Variants in BAZ1B observed in about 807,000 individuals in gnomAD.
BAZ1B encodes bromodomain adjacent to zinc finger domain 1B.
Under a neutral mutation model 153.8 loss-of-function variants are expected in BAZ1B, and 22 were observed. The observed-to-expected ratio is 0.14, with a 90% CI of 0.10 to 0.20. BAZ1B has a LOEUF of 0.20. Ranked by LOEUF, BAZ1B falls within the 10% of genes least tolerant of loss-of-function variation. The pLI is 1.00. For missense variants in BAZ1B, 1,325 were observed against 1,799.3 expected (o/e 0.74, Z 4.77); for synonymous variants, 676 against 633.4 (o/e 1.07, Z -1.01).
chr7:73,522,040 G>T lies in BAZ1B; in HGVS notation c.-107C>A. 21 of 587,748 alleles carry T rather than the reference G, an allele frequency of 3.6e-5. No individual in the cohort carries two copies. Among genetic ancestry groups the T allele is most frequent in the Non-Finnish European group, 4.0e-5 (16 of 403,718 alleles). 36.4% of individuals were successfully genotyped at this position (587,748 alleles called of 1,614,324 possible). A position where few individuals can be genotyped will look rare whatever the true frequency, so the allele number is the denominator to read the frequency against. On this transcript the variant is annotated 5_prime_UTR_variant, in exon 1 of 20. Coordinates refer to ENST00000339594, the MANE Select transcript of BAZ1B (RefSeq NM_032408.4). ...CCAGGCGCCCGGGGGTGGGGTGGGGGAAGGGAGGGGTGAGAGGGCGGCGCG... is the reference window on the plus strand; with the variant it reads ...CCAGGCGCCCGGGGGTGGGGTGGGGTAAGGGAGGGGTGAGAGGGCGGCGCG...
intron 16 of BAZ1B, among the ~76,000 whole-genome samples, chr7:73,445,883 G>A (rs1384989190): frequency 6.6e-6 from 1 of 152,114 alleles, no homozygotes; most frequent in Non-Finnish European, 1.5e-5. Context: ...AAAAAAATAT[G>A]TTCCCAAACA....
chr7:73,452,440 T>A (rs550977072), intron 13 of BAZ1B, among the ~76,000 whole-genome samples: 84 of 152,174 alleles, frequency 5.5e-4, no homozygotes, highest in African/African-American at 1.9e-3. Flanking sequence ...TGATACACGT[T>A]CGGCCGGGCG....
intron 11 of BAZ1B, among the ~76,000 whole-genome samples, chr7:73,463,744 G>C (rs548213100): frequency 1.6e-4 from 24 of 151,458 alleles, no homozygotes; most frequent in Admixed American, 1.6e-3. Context: ...ATGTCGCTCT[G>C]TTGCCCAGAC....
rs1787873815 is a variant in BAZ1B, at chr7:73,447,304, C to T, written c.3804G>A (p.Glu1268=). ...CCTCATAATCTTCTTCCTCCTCCTC[C>T]TCTTCTTCCTCCTCCTCCTCTTCAT... ...ESDEEEEEEE[E]EEEEEDYEVA... Residue 1268 remains glutamate (E), a synonymous_variant, in exon 16 of 20, where the codon GAG becomes GAA. Transcript: ENST00000339594. 1.2e-6 allele frequency: 2 copies of T among 1,606,612 alleles called. No homozygotes were observed. The highest frequency in any genetic ancestry group is 1.7e-6 in the Non-Finnish European group (2 of 1,173,230).
At position 73,447,439 on chromosome 7, in the gene BAZ1B, G is replaced by A. The variant is rs1320351148; in HGVS notation, c.3729-60C>T. 7 of 1,544,414 alleles carry A rather than the reference G, an allele frequency of 4.5e-6. No individual in the cohort carries two copies. The Admixed American group carries it at 1.4e-4, about 30-fold the overall frequency. On this transcript the variant is annotated intron_variant, in intron 15 of 19. Transcript: ENST00000339594. The stretch of plus-strand genomic sequence containing the variant: ...TTTAGCCCAAAGTGGTCCTAAGAAG[G>A]GCTCAAATCCCACAGGGATCAGGAA...
chr7:73,478,232 C>G lies in BAZ1B; in HGVS notation c.1229G>C (p.Gly410Ala). Residue 410 changes from glycine to alanine, a missense_variant, in exon 7 of 20, where the codon GGC (glycine) becomes GCC (alanine). Coordinates refer to ENST00000339594, the MANE Select transcript of BAZ1B (RefSeq NM_032408.4). The stretch of plus-strand genomic sequence containing the variant: ...TGTGGATTTCTGTCCATTCAGGATG[C>G]CTTTGCTTCTGCCCTTTGCCTTCAA... ...KPLKAKGRSK[G>A]ILNGQKSTGN... is the part of the protein sequence containing the mutation. 1 of 1,614,142 alleles carries G rather than the reference C, an allele frequency of 6.2e-7. No homozygotes were observed. Among genetic ancestry groups the G allele is most frequent in the Non-Finnish European group, 8.5e-7 (1 of 1,180,030 alleles).
intron 4 of BAZ1B, among the ~76,000 whole-genome samples, chr7:73,495,305 A>G (rs1268702010): frequency 1.3e-5 from 2 of 152,166 alleles, no homozygotes; most frequent in Admixed American, 1.3e-4. Flanking sequence ...ATAAATAAAT[A>G]AATTGCATAT....
chr7:73,494,793 G>C (rs147035546), intron 4 of BAZ1B, among the ~76,000 whole-genome samples: 2 of 152,258 alleles, frequency 1.3e-5, no homozygotes, highest in Non-Finnish European at 2.9e-5. Context: ...AATACAGAAG[G>C]AAAGAGAGTC....
At chr7:73,492,589 A>G (rs1423714999) in intron 5 of BAZ1B, among the ~76,000 whole-genome samples, 2 of 152,208 alleles carry the variant, frequency 1.3e-5, no homozygotes, top group African/African-American at 2.4e-5. Flanking sequence ...ACTAATTCCT[A>G]TAAGAAAGAG....
At chr7:73,480,294 A>G (rs1293091422) in intron 6 of BAZ1B, among the ~76,000 whole-genome samples, 1 of 152,022 alleles carries the variant, frequency 6.6e-6, no homozygotes, top group East Asian at 1.9e-4. Context: ...TACACATCTC[A>G]TCTCCTCATA....
At position 73,481,495 on chromosome 7, in the gene BAZ1B, G is replaced by A. The variant is rs1789198390; in HGVS notation, c.892-2926C>T. On this transcript the variant is annotated intron_variant, in intron 6 of 19. Coordinates refer to ENST00000339594, the MANE Select transcript of BAZ1B (RefSeq NM_032408.4). ...TGGCGCCACTGCACTCCAGCCTGGG[G>A]AACAGAGCGAGACTCCATCTCAAAA... Among the ~76,000 whole-genome samples, 3 of 134,640 alleles carry A rather than the reference G, an allele frequency of 2.2e-5. No individual in the cohort carries two copies. In the Admixed American group the frequency reaches 2.4e-4, roughly 11 times the overall value. 88.3% of individuals were successfully genotyped at this position (134,640 alleles called of 152,430 possible). A position where few individuals can be genotyped will look rare whatever the true frequency, so the allele number is the denominator to read the frequency against.
chr7:73,444,066 C>T lies in BAZ1B; in HGVS notation c.3908G>A (p.Arg1303Gln), dbSNP rs782679391. The T allele has an allele frequency of 3.6e-5, 58 of 1,613,524 alleles. 3 individuals are homozygous for T. In the South Asian group the frequency reaches 4.7e-4, roughly 13 times the overall value. Residue 1303 changes from arginine (R) to glutamine (Q), a missense_variant, in exon 17 of 20, where the codon CGG becomes CAG. Transcript: ENST00000339594. ...SVIPPAARSG[R>Q]RPGKKPHSTR... Reference sequence around the variant, plus strand: ...AGAGTGTGGCTTCTTACCCGGGCGCCGGCCTGACCTTGCTGCAGGGGGGAT... The same window carrying T: ...AGAGTGTGGCTTCTTACCCGGGCGCTGGCCTGACCTTGCTGCAGGGGGGAT...
At chr7:73,520,086 G>A (rs1347070920) in intron 1 of BAZ1B, among the ~76,000 whole-genome samples, 2 of 151,914 alleles carry the variant, frequency 1.3e-5, no homozygotes. Context: ...GCACGCGCCT[G>A]TAATCCTAGC....
chr7:73,442,067 A>C (rs1787638737), intron 19 of BAZ1B, 114 bp downstream of exon 19: 4 of 752,602 alleles, frequency 5.3e-6, no homozygotes, highest in South Asian at 5.3e-5. Context: ...AAACAGCATA[A>C]GCTTGGGATG....
rs782676766 is a variant in BAZ1B, at chr7:73,477,884, T to C, written c.1577A>G (p.Tyr526Cys). 1.7e-5 allele frequency: 28 copies of C among 1,614,084 alleles called. No individual in the cohort carries two copies. The highest frequency in any genetic ancestry group is 4.0e-5 in the African/African-American group (3 of 74,924). Residue 526 changes from tyrosine to cysteine, a missense_variant, in exon 7 of 20, where the codon TAT (tyrosine) becomes TGT (cysteine). By Grantham distance (194) the Tyr-to-Cys change is radical (BLOSUM62 -2). Transcript: ENST00000339594. The surrounding 1 kb of genome is among the most constrained non-coding windows in gnomAD (Gnocchi z 5.6). ...EELRSLVQKR[Y>C]ELLEHKKRWA... is the part of the protein sequence containing the mutation. Reference sequence around the variant, plus strand: ...CCTCTTTTTGTGCTCTAGAAGTTCATAGCGTTTTTGAACAAGACTTCGCAA... The same window carrying C: ...CCTCTTTTTGTGCTCTAGAAGTTCACAGCGTTTTTGAACAAGACTTCGCAA...
chr7:73,446,255 T>A (rs1365349682), intron 16 of BAZ1B, among the ~76,000 whole-genome samples: 1 of 152,158 alleles, frequency 6.6e-6, no homozygotes, highest in African/African-American at 2.4e-5. Context: ...CTCATTAGAA[T>A]TTTGATCTGT....
At chr7:73,506,481 A>G (rs1243519305) in intron 3 of BAZ1B, among the ~76,000 whole-genome samples, 1 of 149,428 alleles carries the variant, frequency 6.7e-6, no homozygotes, top group Non-Finnish European at 1.5e-5. Context: ...CCTAGGCAAC[A>G]GAGCGAGACT....
intron 13 of BAZ1B, among the ~76,000 whole-genome samples, chr7:73,456,937 CAAAAAAAAAAAAAAAAAAAAAA>C (rs71071937): frequency 0.018 from 722 of 39,582 alleles, 11 homozygotes; most frequent in Admixed American, 0.03. Context: ...GACTCTGTCT[CAAAAAAAAAAAAAAAAAAAAAA>C]AAAAAAAAAA....
chr7:73,474,469 T>C (rs117320393), intron 7 of BAZ1B, among the ~76,000 whole-genome samples: 2,391 of 152,276 alleles, frequency 0.016, 34 homozygotes, highest in Non-Finnish European at 0.026. Flanking sequence ...CTTCAAATGA[T>C]ACTACTAAGA....
Sources: allele counts gnomAD v4.1 joint callset (sites outside exome capture counted in the v4.1 genomes callset), GRCh38; gene constraint gnomAD v4.1.1; non-coding constraint Gnocchi (gnomAD v3.1); transcripts MANE v1.5; gene names NCBI Gene and HGNC (gene_info 2026-07-23, HGNC 2026-07-21).